Variants in APP observed in about 807,000 individuals in gnomAD.
The protein encoded by APP is amyloid beta precursor protein, also known as amyloid-beta precursor protein.
Under a neutral mutation model 101.4 loss-of-function variants are expected in APP, and 31 were observed. The observed-to-expected ratio is 0.31, with a 90% CI of 0.23 to 0.41. The LOEUF (loss-of-function observed/expected upper bound fraction) is 0.41, where lower values mean the gene tolerates loss of function less well. Ranked by LOEUF, APP falls within the 10% of genes least tolerant of loss-of-function variation. The pLI is 1.00. For missense variants in APP, 839 were observed against 1,003.7 expected (o/e 0.84, Z 2.22); for synonymous variants, 366 against 364.4 (o/e 1.00, Z -0.05).
At chr21:26,140,681 G>C (rs1190303299) in intron 1 of APP, among the ~76,000 whole-genome samples, 3 of 152,204 alleles carry the variant, frequency 2.0e-5, no homozygotes, top group Non-Finnish European at 4.4e-5. Context: ...AACTTGTTAG[G>C]CAAGAAGATA....
In APP at chr21:26,078,124, G is replaced by C. The variant is rs556835290; in HGVS notation, c.355+11819C>G. On this transcript the variant is annotated intron_variant, in intron 3 of 17. Coordinates refer to ENST00000346798, the MANE Select transcript of APP (RefSeq NM_000484.4). The stretch of plus-strand genomic sequence containing the variant: ...TTTTCCTCAGTGCTAATTGAGAACT[G>C]GCTTTAAAAATTCATTCTTTATTTA... Among the ~76,000 whole-genome samples the C allele has an allele frequency of 2.2e-4, 34 of 152,202 alleles. No homozygotes were observed. The South Asian group carries it at 7.0e-3, about 32-fold the overall frequency.
intron 1 of APP, among the ~76,000 whole-genome samples, chr21:26,142,003 C>G (rs555854802): frequency 6.6e-6 from 1 of 152,274 alleles, no homozygotes; most frequent in South Asian, 2.1e-4. Flanking sequence ...TGTGTGGTGC[C>G]TAGCCACACT....
At chr21:25,979,149 A>G (rs372701925) in intron 9 of APP, among the ~76,000 whole-genome samples, 2 of 152,336 alleles carry the variant, frequency 1.3e-5, no homozygotes, top group South Asian at 2.1e-4. Context: ...ACAAAAATCT[A>G]CAGGTTTAGA....
At chr21:26,005,507 G>T (rs113766132) in intron 6 of APP, among the ~76,000 whole-genome samples, 11 of 152,138 alleles carry the variant, frequency 7.2e-5, no homozygotes, top group African/African-American at 2.4e-4. Context: ...TCAGAGATTG[G>T]AAGATTTGGA....
At chr21:25,953,040 T>C (rs1406766993) in intron 13 of APP, among the ~76,000 whole-genome samples, 1 of 152,180 alleles carries the variant, frequency 6.6e-6, no homozygotes, top group African/African-American at 2.4e-5. Context: ...AAATTCTTGC[T>C]CAACACTGAG....
At chr21:25,958,340 G>A (rs1278618407) in intron 11 of APP, among the ~76,000 whole-genome samples, 1 of 152,168 alleles carries the variant, frequency 6.6e-6, no homozygotes, top group African/African-American at 2.4e-5. Flanking sequence ...GCAGTGGCGT[G>A]ATCTTGGCTC....
intron 9 of APP, among the ~76,000 whole-genome samples, chr21:25,978,744 G>A (rs1483656858): frequency 6.6e-6 from 1 of 152,200 alleles, no homozygotes; most frequent in Non-Finnish European, 1.5e-5. Flanking sequence ...ACAAGGTCAG[G>A]AGATCGAGAC....
At chr21:26,139,122 T>A (rs2062985684) in intron 1 of APP, among the ~76,000 whole-genome samples, 1 of 151,984 alleles carries the variant, frequency 6.6e-6, no homozygotes, top group Admixed American at 6.6e-5. Flanking sequence ...AAAACAATGA[T>A]GCAACATTAC....
At chr21:25,940,143 T>TGA (rs1302198683) in intron 13 of APP, among the ~76,000 whole-genome samples, 2 of 151,990 alleles carry the variant, frequency 1.3e-5, no homozygotes, top group South Asian at 4.2e-4. Flanking sequence ...AGCCCCCAAA[T>TGA]GAGAGAGAGA....
At position 25,939,395 on chromosome 21, in the gene APP, G is replaced by A. The variant is rs558862310; in HGVS notation, c.1687+15195C>T. On this transcript the variant is annotated intron_variant, in intron 13 of 17. Coordinates refer to ENST00000346798, the MANE Select transcript of APP (RefSeq NM_000484.4). Reference sequence around the variant, plus strand: ...GGGCATTAGTTTCTTTAATGGTTGCGATTTAGTAATTCACAAATAGTCCCA... The same window carrying A: ...GGGCATTAGTTTCTTTAATGGTTGCAATTTAGTAATTCACAAATAGTCCCA... Among the ~76,000 whole-genome samples the A allele has an allele frequency of 4.5e-4, 69 of 152,244 alleles. 1 individual carries two copies. The highest frequency in any genetic ancestry group is 2.2e-3 in the Admixed American group (34 of 15,294).
intron 17 of APP, among the ~76,000 whole-genome samples, chr21:25,889,091 G>T (rs1032623239): frequency 2.0e-5 from 3 of 152,202 alleles, no homozygotes; most frequent in Non-Finnish European, 2.9e-5. Flanking sequence ...CATCACTGGG[G>T]TCTGTTACGG....
chr21:25,948,501 T>C (rs148045927), intron 13 of APP, among the ~76,000 whole-genome samples: 121 of 152,328 alleles, frequency 7.9e-4, no homozygotes, highest in African/African-American at 2.8e-3. Flanking sequence ...CCATTCACTA[T>C]GGATTTATTC....
chr21:26,011,436 T>C (rs1448836747), intron 6 of APP, among the ~76,000 whole-genome samples: 4 of 152,076 alleles, frequency 2.6e-5, no homozygotes, highest in Non-Finnish European at 5.9e-5. Flanking sequence ...GCCCAGTGTT[T>C]TGCAACCAGA....
intron 2 of APP, among the ~76,000 whole-genome samples, chr21:26,102,288 A>G (rs1477761233): frequency 1.3e-5 from 2 of 151,680 alleles, no homozygotes; most frequent in Admixed American, 6.6e-5. Flanking sequence ...ACAGGGTTTC[A>G]CCGTGTTAGC....
intron 1 of APP, among the ~76,000 whole-genome samples, chr21:26,126,088 A>G (rs1264237096): frequency 6.6e-6 from 1 of 152,216 alleles, no homozygotes; most frequent in Non-Finnish European, 1.5e-5. Flanking sequence ...TTTACATTCT[A>G]CCAAAAAATC....
chr21:26,033,219 T>C (rs2044922655), intron 5 of APP, among the ~76,000 whole-genome samples: 1 of 152,136 alleles, frequency 6.6e-6, no homozygotes, highest in African/African-American at 2.4e-5. Flanking sequence ...TGGGACGGAA[T>C]TGGATCATGG....
chr21:25,905,281 T>G (rs754821833), intron 14 of APP, among the ~76,000 whole-genome samples: 29 of 152,202 alleles, frequency 1.9e-4, no homozygotes, highest in Non-Finnish European at 1.0e-4. Flanking sequence ...TTATCGCTAT[T>G]GATGTGCCAG....
At chr21:26,099,467 G>C (rs901734086) in intron 2 of APP, among the ~76,000 whole-genome samples, 2 of 152,144 alleles carry the variant, frequency 1.3e-5, no homozygotes, top group Non-Finnish European at 2.9e-5. Context: ...ATTTATTTAA[G>C]ATGAAACTAG....
At chr21:25,973,734 GGA>G (rs1472129408) in intron 11 of APP, among the ~76,000 whole-genome samples, 3 of 152,022 alleles carry the variant, frequency 2.0e-5, no homozygotes, top group Non-Finnish European at 4.4e-5. Flanking sequence ...CCTGAGGTCA[GGA>G]GTTCGAGATC....
Sources: gnomAD v4.1 joint callset for allele counts (sites outside exome capture counted in the v4.1 genomes callset) on GRCh38, gnomAD v4.1.1 for gene constraint, MANE v1.5 for transcripts, NCBI Gene and HGNC (gene_info 2026-07-23, HGNC 2026-07-21) for gene names.